NAV2: variants seen among roughly 807,000 people sequenced by gnomAD.
The protein encoded by NAV2 is neuron navigator 2.
In NAV2, 54 loss-of-function variants were observed where a neutral mutation model predicts 223.2. That is an observed-to-expected ratio of 0.24 (90% confidence interval 0.19 to 0.30). The LOEUF is 0.30. Among genes scored for constraint, NAV2 ranks in the 10% least tolerant of loss-of-function variants. The pLI is 1.00. For missense variants in NAV2, 2,806 were observed against 3,147.5 expected (o/e 0.89, Z 2.60); for synonymous variants, 1,279 against 1,239.3 (o/e 1.03, Z -0.67).
intron 3 of NAV2, among the ~76,000 whole-genome samples, chr11:19,848,783 A>G (rs778346971): frequency 6.6e-6 from 1 of 152,052 alleles, no homozygotes; most frequent in Non-Finnish European, 1.5e-5. Context: ...GGAACAGCCA[A>G]CTCTGCTTTT....
intron 1 of NAV2, among the ~76,000 whole-genome samples, chr11:19,721,460 T>A (rs2050746037): frequency 6.6e-6 from 1 of 152,224 alleles, no homozygotes; most frequent in South Asian, 2.1e-4. Flanking sequence ...AATGAGGAAT[T>A]TGATTCAAAA....
At chr11:19,944,659 TTTC>T (rs2046708577) in intron 8 of NAV2, among the ~76,000 whole-genome samples, 2 of 147,736 alleles carry the variant, frequency 1.4e-5, no homozygotes, top group South Asian at 4.2e-4. Context: ...TTCCTTTCCT[TTTC>T]TTTTCTCTTT....
chr11:19,762,529 A>G (rs2054841719), intron 1 of NAV2, among the ~76,000 whole-genome samples: 1 of 151,862 alleles, frequency 6.6e-6, no homozygotes, highest in Non-Finnish European at 1.5e-5. Flanking sequence ...CTTGGCTCCT[A>G]ATCTTCTGTT....
chr11:19,889,779 A>C (rs1416828627), intron 5 of NAV2, among the ~76,000 whole-genome samples: 1 of 152,186 alleles, frequency 6.6e-6, no homozygotes, highest in Non-Finnish European at 1.5e-5. Flanking sequence ...CAGATACCCC[A>C]AGTATAAGAT....
intron 2 of NAV2, among the ~76,000 whole-genome samples, chr11:19,838,288 G>T (rs555211810): frequency 1.3e-5 from 2 of 152,300 alleles, no homozygotes; most frequent in East Asian, 3.9e-4. Flanking sequence ...TCGTGGGTCA[G>T]GTGCTCAGAC....
chr11:19,979,567 A>G (rs539496926), intron 10 of NAV2, among the ~76,000 whole-genome samples: 268 of 152,172 alleles, frequency 1.8e-3, no homozygotes, highest in African/African-American at 6.1e-3. Flanking sequence ...CTTAAACAGC[A>G]CTCCTCTGCG....
chr11:20,030,901 G>A (rs1283771362), intron 11 of NAV2, among the ~76,000 whole-genome samples: 1 of 152,180 alleles, frequency 6.6e-6, no homozygotes, highest in African/African-American at 2.4e-5. Context: ...TCTTTTAAAT[G>A]TTATAAATAC....
At chr11:19,945,518 G>A (rs1293334772) in intron 8 of NAV2, among the ~76,000 whole-genome samples, 5 of 152,130 alleles carry the variant, frequency 3.3e-5, no homozygotes, top group African/African-American at 1.2e-4. Flanking sequence ...GGCACTACAG[G>A]TGTATGCCAT....
chr11:20,012,792 C>A (rs991344611), intron 11 of NAV2, among the ~76,000 whole-genome samples: 3 of 152,096 alleles, frequency 2.0e-5, no homozygotes, highest in African/African-American at 7.2e-5. Context: ...AAATCATCCC[C>A]AATGTGCCAA....
chr11:20,110,638 C>T (rs940260692), intron 36 of NAV2, among the ~76,000 whole-genome samples: 1 of 152,146 alleles, frequency 6.6e-6, no homozygotes, highest in Admixed American at 6.5e-5. Flanking sequence ...ACCCATCACT[C>T]CACTGAGAAG....
At chr11:19,585,477 T>C (rs773765286) in intron 1 of NAV2, among the ~76,000 whole-genome samples, 1 of 152,224 alleles carries the variant, frequency 6.6e-6, no homozygotes, top group East Asian at 1.9e-4. Context: ...CTAGCCTTGA[T>C]GGTCTTTACA....
chr11:19,832,082 A>T (rs2059975221), intron 1 of NAV2, among the ~76,000 whole-genome samples: 1 of 152,094 alleles, frequency 6.6e-6, no homozygotes, highest in Non-Finnish European at 1.5e-5. Flanking sequence ...GTTGGGTGGT[A>T]ACCTCCCCAT....
At position 20,079,714 on chromosome 11, in the gene NAV2, A is replaced by G. The variant is rs568594966; in HGVS notation, c.5180-350A>G. Among the ~76,000 whole-genome samples, 85 of 152,248 alleles carry G rather than the reference A, an allele frequency of 5.6e-4. 3 individuals carry two copies. In the South Asian group the frequency reaches 0.017, roughly 31 times the overall value. On this transcript the variant is annotated intron_variant, in intron 24 of 37. Transcript: ENST00000349880. ...AGGCCACTGTGACAGGAGCCCAGAG[A>G]GCAGGAGAGGGAGGGGGCTAGCAAT...
chr11:19,546,657 G>T (rs1394716296), intron 1 of NAV2, among the ~76,000 whole-genome samples: 7 of 152,194 alleles, frequency 4.6e-5, no homozygotes, highest in African/African-American at 1.4e-4. Context: ...TATTTAAACT[G>T]CCTTGGGGAA....
intron 6 of NAV2, among the ~76,000 whole-genome samples, chr11:19,921,393 T>C (rs1326980774): frequency 6.6e-6 from 1 of 152,194 alleles, no homozygotes; most frequent in Non-Finnish European, 1.5e-5. Flanking sequence ...AGCAGAAAGA[T>C]TACATTTTGC....
chr11:19,850,087 T>C (rs1349340185), intron 3 of NAV2, among the ~76,000 whole-genome samples: 2 of 152,200 alleles, frequency 1.3e-5, no homozygotes, highest in Non-Finnish European at 2.9e-5. Flanking sequence ...AAAGAGGCCG[T>C]GTATTTTCAT....
intron 6 of NAV2, among the ~76,000 whole-genome samples, chr11:19,931,175 G>A (rs756420984): frequency 6.6e-5 from 10 of 152,118 alleles, no homozygotes; most frequent in African/African-American, 9.7e-5. Context: ...CAAGCAGGCC[G>A]CTGATGGGCA....
At chr11:19,505,976 G>C (rs1471145189) in intron 1 of NAV2, 1 of 152,206 alleles carries the variant, frequency 6.6e-6, no homozygotes, top group African/African-American at 2.4e-5. Context: ...ACACCCAGAA[G>C]GTCACTGCAC....
intron 1 of NAV2, among the ~76,000 whole-genome samples, chr11:19,501,480 G>T (rs185218067): frequency 6.6e-6 from 1 of 152,114 alleles, no homozygotes; most frequent in Non-Finnish European, 1.5e-5. Context: ...CAACTCCACT[G>T]GTTGTAAAAC....
Sources: gnomAD v4.1 joint callset for allele counts (sites outside exome capture counted in the v4.1 genomes callset) on GRCh38, gnomAD v4.1.1 for gene constraint, MANE v1.5 for transcripts, NCBI Gene and HGNC (gene_info 2026-07-23, HGNC 2026-07-21) for gene names.